EPN1: variants seen among roughly 807,000 people sequenced by gnomAD.
The protein encoded by EPN1 is epsin 1.
Under a neutral mutation model 56.9 loss-of-function variants are expected in EPN1, and 25 were observed. The ratio of observed to expected loss-of-function variants is 0.44; its 90% confidence interval spans 0.32 to 0.61. The LOEUF is 0.61. Among genes scored for constraint, EPN1 ranks in the 20% least tolerant of loss-of-function variants. The probability of loss-of-function intolerance (pLI) is 0.05; values close to 1 mark genes in which losing one functional copy is unlikely to be tolerated. For missense variants in EPN1, 785 were observed against 823.7 expected, an observed-to-expected ratio of 0.95 and a Z score of 0.58; for synonymous variants, 411 against 361.8, an observed-to-expected ratio of 1.14 and a Z score of -1.54.
In EPN1 at chr19:55,689,797, C is replaced by G; in HGVS notation, c.679-70C>G. 1 of 1,454,986 alleles carries G rather than the reference C, an allele frequency of 6.9e-7. No homozygotes were observed. The highest frequency in any genetic ancestry group is 9.4e-7 in the Non-Finnish European group (1 of 1,060,738). The allele number at this position is 1,454,986 out of a possible 1,614,324, so 90.1% of individuals were successfully genotyped here. A position where few individuals can be genotyped will look rare whatever the true frequency, so the allele number is the denominator to read the frequency against. ...GGGGTGGGAGGGGTTGCTGGGGCTTCCAGGCTGAGGTGGCATCTGCCCGTG... is the reference window on the plus strand; with the variant it reads ...GGGGTGGGAGGGGTTGCTGGGGCTTGCAGGCTGAGGTGGCATCTGCCCGTG... On this transcript the variant is annotated intron_variant, in intron 5 of 10. Transcript: ENST00000270460. This position sits in a 1 kb window ranked among gnomAD's most constrained non-coding sequence, Gnocchi z 5.7.
Position 55,689,683 on chromosome 19 carries a change from C to T in EPN1, c.679-184C>T, listed in dbSNP as rs547241971. On this transcript the variant is annotated intron_variant, in intron 5 of 10. Coordinates refer to ENST00000270460, the MANE Select transcript of EPN1 (RefSeq NM_001130072.2). The surrounding 1 kb of genome is among the most constrained non-coding windows in gnomAD (Gnocchi z 5.7). Reference sequence around the variant, plus strand: ...CAGCACAGCACCCCACTCCCCTTATCCCCTGTCCCGCCTGACCTTTGACCC... The same window carrying T: ...CAGCACAGCACCCCACTCCCCTTATTCCCTGTCCCGCCTGACCTTTGACCC... Among the ~76,000 whole-genome samples the T allele has an allele frequency of 1.1e-4, 16 of 152,344 alleles. No homozygotes were observed. The highest frequency in any genetic ancestry group is 3.6e-4 in the African/African-American group (15 of 41,584).
At position 55,689,847 on chromosome 19, in the gene EPN1, T is replaced by G; in HGVS notation, c.679-20T>G. 6.3e-7 allele frequency: 1 copy of G among 1,586,080 alleles called. No individual in the cohort carries two copies. The highest frequency in any genetic ancestry group is 8.6e-7 in the Non-Finnish European group (1 of 1,166,778). ...GGCTCACGTTCTCATGTCTCCCTGGTCGTGCCCGTGCCCCAACAGGAGGAG... is the reference window on the plus strand; with the variant it reads ...GGCTCACGTTCTCATGTCTCCCTGGGCGTGCCCGTGCCCCAACAGGAGGAG... On this transcript the variant is annotated intron_variant, in intron 5 of 10. Coordinates refer to ENST00000270460, the MANE Select transcript of EPN1 (RefSeq NM_001130072.2). This position sits in a 1 kb window ranked among gnomAD's most constrained non-coding sequence, Gnocchi z 5.7.
Position 55,708,990 on chromosome 19 carries a change from T to G in EPN1, c.*13634T>G, listed in dbSNP as rs1475181972. On this transcript the variant is annotated 3_prime_UTR_variant, in exon 11 of 11. Transcript: ENST00000270460. ...AAATGGTCAGATGGGGAATTTTTTC[T>G]TCCACAGACATCAGGATCTTCTGAG... 1.3e-6 allele frequency: 2 copies of G among 1,596,170 alleles called. No homozygotes were observed. Among genetic ancestry groups the G allele is most frequent in the East Asian group, 4.6e-5 (2 of 43,568 alleles).
At chr19:55,684,831 G>A (rs1427272013) in intron 2 of EPN1, among the ~76,000 whole-genome samples, 1 of 152,250 alleles carries the variant, frequency 6.6e-6, no homozygotes, top group Non-Finnish European at 1.5e-5. Flanking sequence ...AGGGCTCCAG[G>A]ATGCCAGGCG....
rs749647927 is a variant in EPN1, at chr19:55,685,422, C to T, written c.255C>T (p.Ile85=). Residue 85 remains isoleucine, a synonymous_variant, in exon 3 of 11, where the codon ATC becomes ATT. Transcript: ENST00000270460. ...YKAMTLMEYL[I]KTGSERVSQQ... ...CCATGACGCTGATGGAGTACCTCAT[C>T]AAGACCGGCTCGGAGCGCGTGTCGC... 1 of 1,611,388 alleles carries T rather than the reference C, an allele frequency of 6.2e-7. No homozygotes were observed. Among genetic ancestry groups the T allele is most frequent in the Non-Finnish European group, 8.5e-7 (1 of 1,179,028 alleles).
rs1987551692 is a variant in EPN1 at position 55,708,718 on chromosome 19, A to AG, written c.*13364dup. ...GGGATTTCTAAAGACAAGGGGATAT[A>AG]GGACCGAGGCAAAGACAATCAGCAT... On this transcript the variant is annotated 3_prime_UTR_variant, in exon 11 of 11. Coordinates refer to ENST00000270460, the MANE Select transcript of EPN1 (RefSeq NM_001130072.2). The AG allele has an allele frequency of 4.6e-6, 2 of 436,112 alleles. No individual in the cohort carries two copies. Among genetic ancestry groups the AG allele is most frequent in the Admixed American group, 3.9e-5 (1 of 25,720 alleles). 27.0% of individuals were successfully genotyped at this position (436,112 alleles called of 1,614,324 possible).
At chr19:55,681,735 G>A (rs1318976688) in intron 2 of EPN1, among the ~76,000 whole-genome samples, 2 of 152,100 alleles carry the variant, frequency 1.3e-5, no homozygotes, top group Non-Finnish European at 2.9e-5. Flanking sequence ...ATCATTTTAT[G>A]CAGTTGCCCA....
In EPN1 at chr19:55,695,192, G is replaced by A. The variant is rs370854445; in HGVS notation, c.1567G>A (p.Ala523Thr). The part of the protein sequence containing the change: ...GPSVTNPFQP[A>T]PPATLTLNQL... ...TTCCGTCACCAACCCCTTCCAGCCC[G>A]CGCCTCCCGCGACGCTCACCCTGAA... Residue 523 changes from alanine (A) to threonine (T), a missense_variant, in exon 11 of 11, where the codon GCG becomes ACG. Transcript: ENST00000270460. The surrounding 1 kb of genome is among the most constrained non-coding windows in gnomAD (Gnocchi z 4.4). The A allele has an allele frequency of 9.9e-6, 16 of 1,613,486 alleles. 1 individual carries two copies. Among genetic ancestry groups the A allele is most frequent in the South Asian group, 5.5e-5 (5 of 91,090 alleles).
rs952709175 is a variant in EPN1 at position 55,689,069 on chromosome 19, G to A, written c.603+75G>A. The A allele has an allele frequency of 4.7e-6, 7 of 1,490,150 alleles. No homozygotes were observed. The highest frequency in any genetic ancestry group is 6.2e-6 in the Non-Finnish European group (7 of 1,121,018). 92.3% of individuals were successfully genotyped at this position (1,490,150 alleles called of 1,614,324 possible). A position where few individuals can be genotyped will look rare whatever the true frequency, so the allele number is the denominator to read the frequency against. On this transcript the variant is annotated intron_variant, in intron 4 of 10. Transcript: ENST00000270460. This position sits in a 1 kb window ranked among gnomAD's most constrained non-coding sequence, Gnocchi z 5.7. ...TCACTTCAGGCTCCCTCCCAGCCAGGCGTGGGCCTGGCCCTCACTGTCGCT... is the reference window on the plus strand; with the variant it reads ...TCACTTCAGGCTCCCTCCCAGCCAGACGTGGGCCTGGCCCTCACTGTCGCT...
intron 6 of EPN1, among the ~76,000 whole-genome samples, chr19:55,690,510 G>GT (rs544359030): frequency 6.6e-6 from 1 of 152,242 alleles, no homozygotes; most frequent in Non-Finnish European, 1.5e-5. Context: ...CTGGCTGGTT[G>GT]TTTCGTGTCA....
chr19:55,701,901 G>C lies in EPN1; in HGVS notation c.*6545G>C, dbSNP rs1428270552. 4.0e-5 allele frequency: 6 copies of C among 151,250 alleles called. No individual in the cohort carries two copies. Among genetic ancestry groups the C allele is most frequent in the African/African-American group, 1.5e-4 (6 of 41,130 alleles). The allele number at this position is 151,250 out of a possible 1,614,324, so 9.4% of individuals were successfully genotyped here. ...TTTCTTCCTAGGGCCTGAAGAACCA[G>C]TTAGGACCAGGTGTGCTGTCTGCAT... On this transcript the variant is annotated 3_prime_UTR_variant, in exon 11 of 11. Coordinates refer to ENST00000270460, the MANE Select transcript of EPN1 (RefSeq NM_001130072.2).
Position 55,675,407 on chromosome 19 carries a change from C to A in EPN1, c.-130C>A, listed in dbSNP as rs1263504559. 1 of 151,932 alleles carries A rather than the reference C, an allele frequency of 6.6e-6. No homozygotes were observed. Among genetic ancestry groups the A allele is most frequent in the African/African-American group, 2.4e-5 (1 of 41,484 alleles). The allele number at this position is 151,932 out of a possible 1,614,324, so 9.4% of individuals were successfully genotyped here. On this transcript the variant is annotated 5_prime_UTR_variant, in exon 1 of 11. Transcript: ENST00000270460. ...GGGGCAGGGGGCTGACCGCCATGACCCCCCAGAGCCCGGCGTGAGGGGGCC... is the reference window on the plus strand; with the variant it reads ...GGGGCAGGGGGCTGACCGCCATGACACCCCAGAGCCCGGCGTGAGGGGGCC...
At chr19:55,685,324 C>T (rs2122184856) in intron 2 of EPN1, 72 bp from the exon 3 acceptor site, 2 of 1,542,832 alleles carry the variant, frequency 1.3e-6, no homozygotes, top group Middle Eastern at 1.7e-4. Flanking sequence ...GCCCCAGAGC[C>T]CGCGTCGCAG....
At chr19:55,675,681 G>A (rs1313853099) in intron 1 of EPN1, among the ~76,000 whole-genome samples, 1 of 152,168 alleles carries the variant, frequency 6.6e-6, no homozygotes, top group Non-Finnish European at 1.5e-5. Flanking sequence ...AGTGAACTTA[G>A]AAAAGGGTTT....
At chr19:55,687,079 T>C (rs529681429) in intron 3 of EPN1, among the ~76,000 whole-genome samples, 1 of 152,338 alleles carries the variant, frequency 6.6e-6, no homozygotes, top group East Asian at 1.9e-4. Context: ...GAATTTTATG[T>C]AGTTTTCACG....
At chr19:55,686,053 A>G (rs1986149756) in intron 3 of EPN1, among the ~76,000 whole-genome samples, 1 of 152,170 alleles carries the variant, frequency 6.6e-6, no homozygotes. Context: ...GGCCTGGAAG[A>G]GGCACAGAAG....
intron 2 of EPN1, 75 bp downstream of exon 2, chr19:55,678,930 T>G (rs1046601486): frequency 5.9e-6 from 6 of 1,023,320 alleles, no homozygotes; most frequent in Non-Finnish European, 5.8e-6. Context: ...TTGTGCACCC[T>G]GCCTGGGATG....
chr19:55,678,955 A>C (rs1046349373), intron 2 of EPN1, 100 bp downstream of exon 2: 10 of 764,444 alleles, frequency 1.3e-5, no homozygotes, highest in African/African-American at 3.5e-5. Flanking sequence ...CCCGGTTCTC[A>C]AGAGGAACTG....
At position 55,695,511 on chromosome 19, in the gene EPN1, C is replaced by A; in HGVS notation, c.*155C>A. 1 of 593,820 alleles carries A rather than the reference C, an allele frequency of 1.7e-6. No individual in the cohort carries two copies. 36.8% of individuals were successfully genotyped at this position (593,820 alleles called of 1,614,324 possible). ...ACACTACACCCTCTTCCTTTCCCAC[C>A]CCACCTCCCCGGAGAGAAACTGGAC... On this transcript the variant is annotated 3_prime_UTR_variant, in exon 11 of 11. Coordinates refer to ENST00000270460, the MANE Select transcript of EPN1 (RefSeq NM_001130072.2). This position sits in a 1 kb window ranked among gnomAD's most constrained non-coding sequence, Gnocchi z 4.4.
Sources: allele counts gnomAD v4.1 joint callset (sites outside exome capture counted in the v4.1 genomes callset), GRCh38; gene constraint gnomAD v4.1.1; non-coding constraint Gnocchi (gnomAD v3.1); transcripts MANE v1.5; gene names NCBI Gene and HGNC (gene_info 2026-07-23, HGNC 2026-07-21).